WDR93: variants seen among roughly 807,000 people sequenced by gnomAD.
WDR93 encodes the protein WD repeat-containing protein 93.
WDR93 carries 73 observed loss-of-function variants against 82.9 expected under a neutral mutation model. The observed-to-expected ratio is 0.88, with a 90% CI of 0.73 to 1.07. WDR93 has a LOEUF of 1.07. Among genes scored for constraint, WDR93 ranks in the 50% least tolerant of loss-of-function variants. The pLI is 0.00. For missense variants in WDR93, 738 were observed against 826.0 expected, an observed-to-expected ratio of 0.89 and a Z score of 1.31; for synonymous variants, 283 against 300.1, an observed-to-expected ratio of 0.94 and a Z score of 0.59.
intron 11 of WDR93, among the ~76,000 whole-genome samples, chr15:89,730,788 G>A (rs1966852702): frequency 6.6e-6 from 1 of 151,470 alleles, no homozygotes. Flanking sequence ...CAGGAGGCTG[G>A]GCCAGGAGGA....
intron 16 of WDR93, among the ~76,000 whole-genome samples, chr15:89,740,287 G>C (rs765351672): frequency 1.3e-5 from 2 of 152,126 alleles, no homozygotes; most frequent in Non-Finnish European, 2.9e-5. Flanking sequence ...GCACTTAACA[G>C]GGGCGTTCAA....
intron 1 of WDR93, among the ~76,000 whole-genome samples, chr15:89,693,158 G>A (rs1009075695): frequency 2.0e-5 from 3 of 152,148 alleles, no homozygotes; most frequent in African/African-American, 4.8e-5. Context: ...TATAAATAAA[G>A]CTGCTATAAA....
chr15:89,719,384 C>T (rs7176004), intron 7 of WDR93, among the ~76,000 whole-genome samples: 64,005 of 152,054 alleles, frequency 0.42, 13,995 homozygotes, highest in African/African-American at 0.48. Flanking sequence ...AAATTCAACT[C>T]CTTTAATAGA....
At chr15:89,695,304 C>T (rs1965113460) in intron 1 of WDR93, among the ~76,000 whole-genome samples, 2 of 152,150 alleles carry the variant, frequency 1.3e-5, no homozygotes, top group Admixed American at 1.3e-4. Context: ...TCTTTAATTT[C>T]TGTCAGCAAT....
upstream of WDR93, chr15:89,690,487 T>TATC: frequency 1.1e-6 from 1 of 928,558 alleles, no homozygotes; most frequent in East Asian, 2.7e-5. Context: ...TCTACTAGGC[T>TATC]ATCACCTCCT....
intron 4 of WDR93, among the ~76,000 whole-genome samples, chr15:89,707,423 C>T (rs748954582): frequency 6.6e-6 from 1 of 151,866 alleles, no homozygotes; most frequent in African/African-American, 2.4e-5. Context: ...TGGTGGCAGG[C>T]GCCTATATCC....
chr15:89,727,007 G>A lies in WDR93; in HGVS notation c.881-150G>A, dbSNP rs1966762919. On this transcript the variant is annotated intron_variant, in intron 8 of 16. Coordinates refer to ENST00000268130, the MANE Select transcript of WDR93 (RefSeq NM_020212.2). ...TGGTGGGGTACAGGAGAGGCCGGGA[G>A]AAGACTGAATACAGACCAATTGCAG... 6.0e-6 allele frequency: 5 copies of A among 831,606 alleles called. No homozygotes were observed. The East Asian group carries it at 1.3e-4, about 22-fold the overall frequency. The allele number at this position is 831,606 out of a possible 1,614,324, so 51.5% of individuals were successfully genotyped here. A position where few individuals can be genotyped will look rare whatever the true frequency, so the allele number is the denominator to read the frequency against.
chr15:89,742,040 C>T (rs1051641573), intron 16 of WDR93, among the ~76,000 whole-genome samples: 2 of 152,104 alleles, frequency 1.3e-5, no homozygotes, highest in Non-Finnish European at 2.9e-5. Flanking sequence ...CATGAGCCAT[C>T]ACACCCGGCC....
chr15:89,729,865 G>C (rs768525945), intron 11 of WDR93, 96 bp downstream of exon 11: 284 of 1,059,850 alleles, frequency 2.7e-4, no homozygotes, highest in Admixed American at 3.8e-4. Context: ...CATACATCAA[G>C]TGTCACTTTA....
intron 8 of WDR93, among the ~76,000 whole-genome samples, chr15:89,726,310 A>G (rs1966735522): frequency 6.6e-6 from 1 of 152,220 alleles, no homozygotes; most frequent in Admixed American, 6.5e-5. Context: ...CTATTCCAGT[A>G]GGTCTGGGGT....
intron 4 of WDR93, among the ~76,000 whole-genome samples, chr15:89,707,628 AAAAT>A (rs1156548415): frequency 5.9e-5 from 9 of 152,184 alleles, no homozygotes; most frequent in African/African-American, 1.2e-4. Flanking sequence ...GGAAAATAAA[AAAAT>A]AAATAAAAAC....
intron 7 of WDR93, 70 bp downstream of exon 7, chr15:89,717,019 ATT>A (rs1272707778): frequency 1.7e-6 from 1 of 582,324 alleles, no homozygotes; most frequent in Non-Finnish European, 2.6e-6. Context: ...AAAAATTATT[ATT>A]TTTCTTTTCT....
intron 16 of WDR93, among the ~76,000 whole-genome samples, chr15:89,740,722 G>A (rs531879379): frequency 7.9e-5 from 12 of 152,008 alleles, no homozygotes; most frequent in East Asian, 7.8e-4. Context: ...GGCTGGTCTC[G>A]AACTACTGAC....
intron 2 of WDR93, 113 bp downstream of exon 2, chr15:89,702,162 T>A: frequency 8.2e-7 from 1 of 1,217,822 alleles, no homozygotes; most frequent in Non-Finnish European, 1.1e-6. Context: ...AATAAGTCAG[T>A]GCATTTTTGA....
At chr15:89,698,041 G>A (rs560447923) in intron 1 of WDR93, among the ~76,000 whole-genome samples, 30 of 151,574 alleles carry the variant, frequency 2.0e-4, no homozygotes, top group African/African-American at 5.6e-4. Context: ...CACCACGCCC[G>A]GCTGATTTTT....
chr15:89,715,116 C>T, intron 6 of WDR93, 21 bp downstream of exon 6: 2 of 1,603,480 alleles, frequency 1.2e-6, no homozygotes, highest in South Asian at 1.1e-5. Flanking sequence ...TCTCTGCTTT[C>T]AGCTGATATG....
chr15:89,713,147 A>AG (rs1491443039), intron 5 of WDR93, among the ~76,000 whole-genome samples: 2 of 148,808 alleles, frequency 1.3e-5, no homozygotes, highest in East Asian at 1.9e-4. Flanking sequence ...AAAAAAAAAA[A>AG]GTATCGTCTC....
intron 6 of WDR93, among the ~76,000 whole-genome samples, chr15:89,715,317 G>C (rs995223487): frequency 1.3e-5 from 2 of 152,150 alleles, no homozygotes; most frequent in Non-Finnish European, 1.5e-5. Flanking sequence ...TCTAGTCTGG[G>C]AGTTGCCTCT....
chr15:89,739,920 C>T (rs111309730), intron 16 of WDR93, among the ~76,000 whole-genome samples: 3 of 152,120 alleles, frequency 2.0e-5, no homozygotes, highest in Non-Finnish European at 4.4e-5. Flanking sequence ...TTGAAGTAGA[C>T]TGGTTAAGAT....
Sources: allele counts gnomAD v4.1 joint callset (sites outside exome capture counted in the v4.1 genomes callset), GRCh38; gene constraint gnomAD v4.1.1; transcripts MANE v1.5; gene names NCBI Gene and HGNC (gene_info 2026-07-23, HGNC 2026-07-21).